Variants in AKAP19 observed in about 807,000 individuals in gnomAD.
The protein encoded by AKAP19 is small A-kinase anchoring protein.
At chr2:190,141,012 C>A in the AKAP19 span, among the ~76,000 whole-genome samples, 2 of 152,178 alleles carry the variant, frequency 1.3e-5, no homozygotes, top group African/African-American at 4.8e-5. Flanking sequence ...AAAAATGCCA[C>A]CTGTCTCTTT....
At chr2:190,054,134 G>T in the AKAP19 span, among the ~76,000 whole-genome samples, 1 of 152,068 alleles carries the variant, frequency 6.6e-6, no homozygotes, top group African/African-American at 2.4e-5. Flanking sequence ...AGTAGAACTT[G>T]TAACTCTAGG....
At chr2:190,084,694 A>G in the AKAP19 span, among the ~76,000 whole-genome samples, 5 of 152,230 alleles carry the variant, frequency 3.3e-5, no homozygotes, top group Non-Finnish European at 7.3e-5. Flanking sequence ...GTATTTTCCC[A>G]GAAAGTACTG....
chr2:190,058,405 C>A, the AKAP19 span, among the ~76,000 whole-genome samples: 1 of 151,814 alleles, frequency 6.6e-6, no homozygotes, highest in African/African-American at 2.4e-5. Flanking sequence ...AGTTTTTAAC[C>A]CATATCTAAA....
chr2:190,073,443 C>A, the AKAP19 span, among the ~76,000 whole-genome samples: 1 of 152,014 alleles, frequency 6.6e-6, no homozygotes, highest in East Asian at 1.9e-4. Context: ...TTATGGGAAA[C>A]TTTTTTATCA....
chr2:190,002,733 C>A, the AKAP19 span, among the ~76,000 whole-genome samples: 1 of 152,144 alleles, frequency 6.6e-6, no homozygotes, highest in East Asian at 1.9e-4. Context: ...TTCTTAGGAC[C>A]GTCAGTTGGT....
At chr2:190,154,454 T>G in the AKAP19 span, among the ~76,000 whole-genome samples, 1 of 152,264 alleles carries the variant, frequency 6.6e-6, no homozygotes, top group Non-Finnish European at 1.5e-5. Flanking sequence ...AGCTGTTTGG[T>G]ACACAGATAT....
chr2:190,198,286 A>G, the AKAP19 span, among the ~76,000 whole-genome samples: 1 of 152,142 alleles, frequency 6.6e-6, no homozygotes, highest in Non-Finnish European at 1.5e-5. Context: ...CCTCCTCTGG[A>G]CATCCTTAAT....
At chr2:190,106,366 C>T in the AKAP19 span, among the ~76,000 whole-genome samples, 1 of 152,300 alleles carries the variant, frequency 6.6e-6, no homozygotes, top group African/African-American at 2.4e-5. Flanking sequence ...CTGAGTTGCT[C>T]TGCTTTCTAC....
chr2:190,197,272 A>AG, the AKAP19 span, among the ~76,000 whole-genome samples: 2 of 152,170 alleles, frequency 1.3e-5, no homozygotes, highest in African/African-American at 4.8e-5. The surrounding 1 kb of genome is among the most constrained non-coding windows in gnomAD (Gnocchi z 4.0). Context: ...ACTGATTCCT[A>AG]AGGTGTCGCA....
At chr2:190,061,243 G>C in the AKAP19 span, among the ~76,000 whole-genome samples, 51 of 152,134 alleles carry the variant, frequency 3.4e-4, no homozygotes, top group African/African-American at 1.2e-3. Context: ...TTGGAGTCTT[G>C]TTTAAAGTAT....
At chr2:190,055,589 G>A in the AKAP19 span, 3 of 152,112 alleles carry the variant, frequency 2.0e-5, no homozygotes, top group Non-Finnish European at 2.9e-5. Context: ...CCTGAGAACC[G>A]GAGTAGCAGA....
At chr2:190,080,659 G>C in the AKAP19 span, among the ~76,000 whole-genome samples, 1 of 152,242 alleles carries the variant, frequency 6.6e-6, no homozygotes, top group Non-Finnish European at 1.5e-5. Context: ...TGAGTACTTT[G>C]TATATGTCAG....
chr2:190,062,598 A>G, the AKAP19 span: 1 of 1,610,972 alleles, frequency 6.2e-7, no homozygotes, highest in Non-Finnish European at 8.5e-7. Flanking sequence ...TTTTTGCATG[A>G]TTTTAAAATC....
At chr2:189,998,771 CTT>C in the AKAP19 span, among the ~76,000 whole-genome samples, 10 of 97,540 alleles carry the variant, frequency 1.0e-4, no homozygotes, top group African/African-American at 2.6e-4. Context: ...TTCTTTCTTT[CTT>C]TTTTTTTTTT....
At chr2:190,196,241 CTA>C in the AKAP19 span, among the ~76,000 whole-genome samples, 45 of 151,966 alleles carry the variant, frequency 3.0e-4, no homozygotes, top group African/African-American at 1.1e-3. Flanking sequence ...AGTGGCTGCT[CTA>C]TGTTTTAAAT....
the AKAP19 span, among the ~76,000 whole-genome samples, chr2:190,040,641 T>G: frequency 3.3e-5 from 5 of 152,180 alleles, no homozygotes; most frequent in Non-Finnish European, 7.3e-5. Context: ...CTTCCAGGGT[T>G]TTTATAGTTT....
the AKAP19 span, among the ~76,000 whole-genome samples, chr2:190,028,367 G>A: frequency 6.6e-6 from 1 of 152,092 alleles, no homozygotes; most frequent in Non-Finnish European, 1.5e-5. Context: ...AATTCTTAAG[G>A]TACAGGCTCT....
chr2:190,010,999 GT>G, the AKAP19 span, among the ~76,000 whole-genome samples: 1 of 147,210 alleles, frequency 6.8e-6, no homozygotes, highest in Non-Finnish European at 1.5e-5. Context: ...CCAGGTTATG[GT>G]TTGTAAATAT....
the AKAP19 span, among the ~76,000 whole-genome samples, chr2:189,996,440 G>A: frequency 6.6e-6 from 1 of 151,970 alleles, no homozygotes; most frequent in African/African-American, 2.4e-5. Flanking sequence ...TCCAGAAGTT[G>A]TGATTGTTTT....
Sources: allele counts gnomAD v4.1 joint callset (sites outside exome capture counted in the v4.1 genomes callset), GRCh38; gene constraint gnomAD v4.1.1; non-coding constraint Gnocchi (gnomAD v3.1); transcripts MANE v1.5; gene names NCBI Gene and HGNC (gene_info 2026-07-23, HGNC 2026-07-21).